RGS6: variants seen among roughly 807,000 people sequenced by gnomAD.
The protein encoded by RGS6 is regulator of G protein signaling 6, also known as regulator of G-protein signaling 6.
A neutral mutation model predicts 78.5 loss-of-function variants in RGS6; 30 were observed. That is an observed-to-expected ratio of 0.38 (90% CI 0.29 to 0.52). RGS6 has a LOEUF of 0.52. Among genes scored for constraint, RGS6 ranks in the 20% least tolerant of loss-of-function variants. The pLI is 0.85. For missense variants in RGS6, 495 were observed against 609.7 expected (o/e 0.81, Z 1.98); for synonymous variants, 206 against 206.0 (o/e 1.00, Z 0.00).
At chr14:72,442,326 T>C (rs1208994828) in intron 3 of RGS6, among the ~76,000 whole-genome samples, 2 of 152,152 alleles carry the variant, frequency 1.3e-5, no homozygotes, top group Non-Finnish European at 2.9e-5. Context: ...CAGGCTGTTC[T>C]GCATGAGTCC....
intron 17 of RGS6, chr14:72,541,690 A>G (rs932670475): frequency 6.7e-7 from 1 of 1,487,484 alleles, no homozygotes; most frequent in Non-Finnish European, 9.0e-7. Context: ...GAGGATGGTT[A>G]GGGATTTTGC....
downstream of RGS6, among the ~76,000 whole-genome samples, chr14:72,570,684 G>A (rs1454567475): frequency 6.6e-6 from 1 of 152,188 alleles, no homozygotes. Context: ...TGCTGGAACA[G>A]ACCCCAGGGA....
At chr14:72,480,055 G>C (rs960711136) in intron 12 of RGS6, among the ~76,000 whole-genome samples, 4 of 152,206 alleles carry the variant, frequency 2.6e-5, no homozygotes, top group Admixed American at 2.6e-4. Context: ...CCAGGTGAGG[G>C]AGGGGGTTAA....
chr14:72,410,036 G>C (rs1212081857), intron 3 of RGS6, among the ~76,000 whole-genome samples: 22 of 152,194 alleles, frequency 1.4e-4, no homozygotes, highest in Non-Finnish European at 3.1e-4. Flanking sequence ...ATGTGCATGT[G>C]TCTTTATAGC....
intron 2 of RGS6, among the ~76,000 whole-genome samples, chr14:72,276,155 T>C (rs1186662890): frequency 6.6e-6 from 1 of 152,230 alleles, no homozygotes; most frequent in Non-Finnish European, 1.5e-5. Flanking sequence ...TGCTACCTTA[T>C]CACTTTTTGC....
At chr14:72,453,567 G>A (rs954240455) in intron 3 of RGS6, among the ~76,000 whole-genome samples, 1 of 124,106 alleles carries the variant, frequency 8.1e-6, no homozygotes, top group Admixed American at 1.0e-4. Flanking sequence ...AGTGAGCCGA[G>A]ATCCCGCCAC....
chr14:72,412,743 G>C (rs1248545013), intron 3 of RGS6, among the ~76,000 whole-genome samples: 2 of 152,142 alleles, frequency 1.3e-5, no homozygotes, highest in Non-Finnish European at 1.5e-5. Context: ...CTTTGAATGT[G>C]TCCCAGAGAT....
At chr14:72,589,032 A>G in the RGS6 span, among the ~76,000 whole-genome samples, 5 of 152,234 alleles carry the variant, frequency 3.3e-5, no homozygotes, top group Non-Finnish European at 7.3e-5. Context: ...CCATTTGAGA[A>G]CAAAAGACAT....
intron 1 of RGS6, among the ~76,000 whole-genome samples, chr14:71,957,502 T>C (rs984716931): frequency 2.0e-5 from 3 of 151,988 alleles, no homozygotes; most frequent in African/African-American, 7.3e-5. Flanking sequence ...AGAGAGGAGA[T>C]GGAAGGACAT....
At chr14:72,356,736 A>G (rs1352860736) in intron 3 of RGS6, among the ~76,000 whole-genome samples, 1 of 152,170 alleles carries the variant, frequency 6.6e-6, no homozygotes, top group East Asian at 1.9e-4. Context: ...ATGATTTCAT[A>G]AGGGGCTTTT....
intron 2 of RGS6, among the ~76,000 whole-genome samples, chr14:72,138,449 G>GTTTTTTTTT (rs71448384): frequency 4.6e-5 from 4 of 86,646 alleles, no homozygotes; most frequent in Admixed American, 1.3e-4. Context: ...ACCTGTACCT[G>GTTTTTTTTT]TTTTTTTTTT....
intron 2 of RGS6, among the ~76,000 whole-genome samples, chr14:72,346,733 A>G (rs2078132245): frequency 6.6e-6 from 1 of 152,226 alleles, no homozygotes; most frequent in African/African-American, 2.4e-5. Flanking sequence ...AGGTCAACAC[A>G]GCATGTCAGA....
At chr14:72,257,785 C>T (rs1179282391) in intron 2 of RGS6, among the ~76,000 whole-genome samples, 2 of 152,126 alleles carry the variant, frequency 1.3e-5, no homozygotes, top group African/African-American at 4.8e-5. Flanking sequence ...AGAAGGGTGA[C>T]CTGTCCAGGG....
In RGS6 at chr14:72,292,900, A is replaced by G. The variant is rs183056857; in HGVS notation, c.85-59195A>G. On this transcript the variant is annotated intron_variant, in intron 2 of 17. Transcript: ENST00000553525. ...CTTGACATGGGCTGATGGATTAAGA[A>G]CAATGTTACATTTTCTGAACGCATC... Among the ~76,000 whole-genome samples the G allele has an allele frequency of 1.5e-3, 224 of 152,358 alleles. 2 individuals carry two copies. The highest frequency in any genetic ancestry group is 5.1e-3 in the African/African-American group (212 of 41,586).
chr14:72,054,722 A>C (rs1596719609), intron 2 of RGS6, among the ~76,000 whole-genome samples: 1 of 151,672 alleles, frequency 6.6e-6, no homozygotes, highest in East Asian at 1.9e-4. Context: ...TTACTCCTTC[A>C]CCTCCCCATC....
At chr14:72,225,730 A>C (rs986414091) in intron 2 of RGS6, among the ~76,000 whole-genome samples, 1 of 152,188 alleles carries the variant, frequency 6.6e-6, no homozygotes, top group Non-Finnish European at 1.5e-5. Context: ...TCTAGCAAAA[A>C]TTCTATGCTT....
the RGS6 span, among the ~76,000 whole-genome samples, chr14:71,886,123 G>A: frequency 3.6e-4 from 55 of 152,168 alleles, no homozygotes; most frequent in African/African-American, 1.3e-3. Flanking sequence ...AAAACAATTA[G>A]TTCTCAGAAC....
chr14:72,047,988 G>C (rs533188534), intron 2 of RGS6, among the ~76,000 whole-genome samples: 14 of 149,654 alleles, frequency 9.4e-5, no homozygotes, highest in Admixed American at 8.1e-4. Context: ...TCAGATGGGG[G>C]CATTGCCTTA....
rs549950749 is a variant in RGS6 at position 72,414,297 on chromosome 14, C to T, written c.185-40231C>T. ...TCTTTTTTCTCTAAACTTCTCTTCT[C>T]GCTTCATTTCATTCATTTCGTCTTT... On this transcript the variant is annotated intron_variant, in intron 3 of 17. Transcript: ENST00000553525. 3.7e-4 allele frequency among the ~76,000 whole-genome samples: 57 copies of T among 152,272 alleles called. No individual in the cohort carries two copies. The South Asian group carries it at 5.8e-3, about 16-fold the overall frequency.
Sources: allele counts gnomAD v4.1 joint callset (sites outside exome capture counted in the v4.1 genomes callset), GRCh38; gene constraint gnomAD v4.1.1; transcripts MANE v1.5; gene names NCBI Gene and HGNC (gene_info 2026-07-23, HGNC 2026-07-21).